MYH6: variants seen among roughly 807,000 people sequenced by gnomAD.
MYH6 encodes myosin heavy chain 6, also known as myosin-6.
A neutral mutation model predicts 223.2 loss-of-function variants in MYH6; 126 were observed. That is an observed-to-expected ratio of 0.56 (90% CI 0.49 to 0.65). The LOEUF (loss-of-function observed/expected upper bound fraction) is 0.65, where lower values mean the gene tolerates loss of function less well. Ranked by LOEUF, MYH6 falls within the 30% of genes least tolerant of loss-of-function variation. The probability of loss-of-function intolerance (pLI) is 0.00; values close to 1 mark genes in which losing one functional copy is unlikely to be tolerated. For missense variants in MYH6, 2,040 were observed against 2,536.4 expected (o/e 0.80, Z 4.20); for synonymous variants, 978 against 1,010.2 (o/e 0.97, Z 0.61).
intron 36 of MYH6, among the ~76,000 whole-genome samples, chr14:23,383,944 T>C (rs1430712635): frequency 6.6e-6 from 1 of 152,152 alleles, no homozygotes; most frequent in Admixed American, 6.5e-5. Context: ...GACACCCTCG[T>C]CTCCTTGGCC....
At chr14:23,392,409 T>C (rs547191742) in intron 25 of MYH6, among the ~76,000 whole-genome samples, 153 bp downstream of exon 25, 1 of 152,224 alleles carries the variant, frequency 6.6e-6, no homozygotes, top group South Asian at 2.1e-4. Context: ...GGGGGAAGGC[T>C]AGTGTTCCTG....
Position 23,383,339 on chromosome 14 carries a change from G to GGGCCCCCCCC in MYH6, c.5566-20_5566-19insGGGGGGGGCC. 9.2e-6 allele frequency: 1 copy of GGGCCCCCCCC among 108,192 alleles called. No homozygotes were observed. Among genetic ancestry groups the GGGCCCCCCCC allele is most frequent in the Non-Finnish European group, 1.8e-5 (1 of 54,378 alleles). The allele number at this position is 108,192 out of a possible 1,614,324, so 6.7% of individuals were successfully genotyped here. A position where few individuals can be genotyped will look rare whatever the true frequency, so the allele number is the denominator to read the frequency against. On this transcript the variant is annotated intron_variant, in intron 36 of 38. Coordinates refer to ENST00000405093, the MANE Select transcript of MYH6 (RefSeq NM_002471.4). The stretch of plus-strand genomic sequence containing the variant: ...CCTCTGTCTGGGGGTGGGAGGGTGG[G>GGGCCCCCCCC]AGAAGCTGGTTTGGAGGGGGAGCAA...
In MYH6 at chr14:23,405,416, G is replaced by A. The variant is rs199833621; in HGVS notation, c.346-37C>T. 5.0e-6 allele frequency: 8 copies of A among 1,613,966 alleles called. No individual in the cohort carries two copies. In the East Asian group the frequency reaches 6.7e-5, roughly 13 times the overall value. ...GACAAGGCTGGGCATGAGGTTGGTG[G>A]GGAGAGCCTGGGACAGGCAGTGGTG... On this transcript the variant is annotated intron_variant, in intron 4 of 38. Coordinates refer to ENST00000405093, the MANE Select transcript of MYH6 (RefSeq NM_002471.4). This position sits in a 1 kb window ranked among gnomAD's most constrained non-coding sequence, Gnocchi z 4.7.
intron 29 of MYH6, 64 bp downstream of exon 29, chr14:23,388,795 C>G: frequency 6.2e-7 from 1 of 1,612,810 alleles, no homozygotes; most frequent in East Asian, 2.2e-5. Context: ...TTGCCTGTCC[C>G]CACCCCAGGT....
chr14:23,404,168 C>G, intron 8 of MYH6, 128 bp downstream of exon 8: 1 of 1,173,228 alleles, frequency 8.5e-7, no homozygotes, highest in Non-Finnish European at 1.3e-6. Flanking sequence ...ATGCTCTCTT[C>G]CCACCAACGT....
Position 23,398,841 on chromosome 14 carries a change from C to T in MYH6, c.1778G>A (p.Gly593Asp). 1 of 1,614,146 alleles carries T rather than the reference C, an allele frequency of 6.2e-7. No individual in the cohort carries two copies. The highest frequency in any genetic ancestry group is 1.1e-5 in the South Asian group (1 of 91,080). ...AGGATCCTTGTTTTTTTCCAGCCAG[C>T]CCAGGATGTTGTAGTCCACAGTGCC... Reference protein sequence around the residue: ...YAGTVDYNILGWLEKNKDPLN... With the variant: ...YAGTVDYNILDWLEKNKDPLN... The change falls in exon 15 of 39, where the codon GGC becomes GAC. Residue 593 changes from glycine (G) to aspartate (D), a missense_variant. Coordinates refer to ENST00000405093, the MANE Select transcript of MYH6 (RefSeq NM_002471.4).
intron 32 of MYH6, among the ~76,000 whole-genome samples, chr14:23,387,223 G>A (rs948533337): frequency 6.6e-6 from 1 of 152,176 alleles, no homozygotes. Flanking sequence ...TTCCAACTCA[G>A]GCCTGTTTGA....
rs113931186 is a variant in MYH6, at chr14:23,400,541, G to A, written c.1411-115C>T. On this transcript the variant is annotated intron_variant, in intron 13 of 38. Coordinates refer to ENST00000405093, the MANE Select transcript of MYH6 (RefSeq NM_002471.4). ...GGTATGGCTGTCCCCTCCATGTCAG[G>A]GCAGTGGAGGAGGGCTTCCCCTGAA... 6.9e-6 allele frequency: 11 copies of A among 1,587,362 alleles called. No individual in the cohort carries two copies. In the East Asian group the frequency reaches 2.5e-4, roughly 36 times the overall value.
chr14:23,389,023 C>G lies in MYH6; in HGVS notation c.4011G>C (p.Ser1337=). The G allele has an allele frequency of 6.3e-7, 1 of 1,599,774 alleles. No individual in the cohort carries two copies. Among genetic ancestry groups the G allele is most frequent in the Non-Finnish European group, 8.5e-7 (1 of 1,172,276 alleles). The part of the protein sequence containing the change: ...AKNALAHALQ[S]ARHDCDLLRE... ...GCAGCAGGTCGCAGTCATGCCGGGC[C>G]GACTGCAGTGCATGGGCCAGGGCGT... The change falls in exon 29 of 39, where the codon TCG becomes TCC. Residue 1337 remains serine, a synonymous_variant. Transcript: ENST00000405093.
chr14:23,390,588 T>C (rs1891210949), intron 25 of MYH6, 142 bp from the exon 26 acceptor site: 5 of 1,500,954 alleles, frequency 3.3e-6, no homozygotes, highest in African/African-American at 1.4e-5. Context: ...CAGGGAACAG[T>C]TGGCAATGTC....
chr14:23,389,281 G>A, intron 28 of MYH6, 112 bp downstream of exon 28: 5 of 1,295,766 alleles, frequency 3.9e-6, no homozygotes, highest in South Asian at 2.5e-5. Context: ...CTAGACTGGA[G>A]GGTCTTTCCC....
At chr14:23,389,825 C>G in intron 26 of MYH6, 106 bp from the exon 27 acceptor site, 6 of 1,588,336 alleles carry the variant, frequency 3.8e-6, no homozygotes, top group Non-Finnish European at 5.2e-6. Context: ...GAGGGGGACA[C>G]AGAAGGTGTG....
chr14:23,400,614 C>T, intron 13 of MYH6, 95 bp downstream of exon 13: 1 of 1,603,628 alleles, frequency 6.2e-7, no homozygotes, highest in South Asian at 1.1e-5. Flanking sequence ...CCACTGCCTT[C>T]CCATGTCTGG....
At position 23,390,443 on chromosome 14, in the gene MYH6, G is replaced by T. The variant is rs372446459; in HGVS notation, c.3346C>A (p.Arg1116Ser). ...LQKKLKENQARIEELEEELEA... is the reference protein window; with the variant it reads ...LQKKLKENQASIEELEEELEA... ...AGCTCCTCCTCCAGCTCCTCGATGCGTGCCTGGGTCAGACACAAAGGGCTC... is the reference window on the plus strand; with the variant it reads ...AGCTCCTCCTCCAGCTCCTCGATGCTTGCCTGGGTCAGACACAAAGGGCTC... The change falls in exon 26 of 39, where the codon CGC becomes AGC. Residue 1116 changes from arginine to serine, a missense_variant. Arg to Ser is a moderately radical substitution (Grantham distance 110). Transcript: ENST00000405093. The T allele has an allele frequency of 1.6e-4, 266 of 1,612,636 alleles. No homozygotes were observed. Among genetic ancestry groups the T allele is most frequent in the Non-Finnish European group, 2.2e-4 (257 of 1,179,960 alleles).
At chr14:23,394,440 A>G in intron 20 of MYH6, 117 bp from the exon 21 acceptor site, 1 of 1,318,372 alleles carries the variant, frequency 7.6e-7, no homozygotes, top group Non-Finnish European at 1.0e-6. Flanking sequence ...ACCCACCTCC[A>G]ACATCACTAC....
At position 23,385,192 on chromosome 14, in the gene MYH6, C is replaced by T; in HGVS notation, c.5164-151G>A. 4.3e-6 allele frequency: 4 copies of T among 939,314 alleles called. No homozygotes were observed. The South Asian group carries it at 5.9e-5, about 14-fold the overall frequency. 58.2% of individuals were successfully genotyped at this position (939,314 alleles called of 1,614,324 possible). A position where few individuals can be genotyped will look rare whatever the true frequency, so the allele number is the denominator to read the frequency against. On this transcript the variant is annotated intron_variant, in intron 34 of 38. Transcript: ENST00000405093. ...TATTGATCGTTTTGTACCTGCTTTC[C>T]CTTTTCCTATGAAAGTGCATACATT...
Position 23,389,071 on chromosome 14 carries a change from G to T in MYH6, c.3979-16C>A, listed in dbSNP as rs749113806. 14 of 1,313,780 alleles carry T rather than the reference G, an allele frequency of 1.1e-5. No individual in the cohort carries two copies. Among genetic ancestry groups the T allele is most frequent in the South Asian group, 2.4e-5 (2 of 82,352 alleles). The allele number at this position is 1,313,780 out of a possible 1,614,324, so 81.4% of individuals were successfully genotyped here. On this transcript the variant is annotated splice_polypyrimidine_tract_variant and intron_variant, in intron 28 of 38. Coordinates refer to ENST00000405093, the MANE Select transcript of MYH6 (RefSeq NM_002471.4). ...CGTTCTTCGCCTGGGGAGGGGGGGG[G>T]GCACCAGGAGGTGGGAGGGACTCCC...
In MYH6 at chr14:23,389,370, C is replaced by T. The variant is rs1224989952; in HGVS notation, c.3978+23G>A. On this transcript the variant is annotated intron_variant, in intron 28 of 38. Coordinates refer to ENST00000405093, the MANE Select transcript of MYH6 (RefSeq NM_002471.4). Reference sequence around the variant, plus strand: ...GCCCCAGGGCTGCCATCAAGCCTGCCCACCCTCCCCACTGGGCCTCACCTT... The same window carrying T: ...GCCCCAGGGCTGCCATCAAGCCTGCTCACCCTCCCCACTGGGCCTCACCTT... The T allele has an allele frequency of 9.3e-6, 15 of 1,612,690 alleles. No individual in the cohort carries two copies. The South Asian group carries it at 1.5e-4, about 17-fold the overall frequency.
In MYH6 at chr14:23,407,146, G is replaced by A; in HGVS notation, c.78C>T (p.Ala26=). The change falls in exon 3 of 39, where the codon GCC becomes GCT. Residue 26 remains alanine (A), a synonymous_variant. Coordinates refer to ENST00000405093, the MANE Select transcript of MYH6 (RefSeq NM_002471.4). This position sits in a 1 kb window ranked among gnomAD's most constrained non-coding sequence, Gnocchi z 5.6. The part of the protein sequence containing the change: ...LRKSEKERLE[A]QTRPFDIRTE... ...TGCGAATGTCAAAGGGCCGGGTCTG[G>A]GCCTCTAGACGCTCCTTCTCTGACT... is the stretch of plus-strand genomic sequence containing the variant. The A allele has an allele frequency of 1.2e-6, 2 of 1,614,254 alleles. No homozygotes were observed. The highest frequency in any genetic ancestry group is 1.7e-6 in the Non-Finnish European group (2 of 1,180,050).
Sources: allele counts gnomAD v4.1 joint callset (sites outside exome capture counted in the v4.1 genomes callset), GRCh38; gene constraint gnomAD v4.1.1; non-coding constraint Gnocchi (gnomAD v3.1); transcripts MANE v1.5; gene names NCBI Gene and HGNC (gene_info 2026-07-23, HGNC 2026-07-21).